Variants in FAT3 observed in about 807,000 individuals in gnomAD.
FAT3 encodes the protein FAT atypical cadherin 3, also known as protocadherin Fat 3.
A neutral mutation model predicts 310.2 loss-of-function variants in FAT3; 95 were observed. The ratio of observed to expected loss-of-function variants is 0.31; its 90% CI spans 0.26 to 0.36. The LOEUF is 0.36. FAT3 is among the 10% of genes least tolerant of loss of function. The pLI is 1.00. For missense variants in FAT3, 5,408 were observed against 5,715.6 expected (o/e 0.95, Z 1.74); for synonymous variants, 2,314 against 2,192.9 (o/e 1.06, Z -1.54).
intron 3 of FAT3, among the ~76,000 whole-genome samples, chr11:92,560,358 A>G (rs1046633484): frequency 6.6e-6 from 1 of 152,150 alleles, no homozygotes; most frequent in Non-Finnish European, 1.5e-5. Context: ...TGTCAGATAT[A>G]TGATTTACAA....
intron 3 of FAT3, among the ~76,000 whole-genome samples, chr11:92,587,078 G>A (rs139781230): frequency 1.5e-3 from 231 of 151,960 alleles, no homozygotes; most frequent in African/African-American, 3.3e-3. Flanking sequence ...TTTTCTTCTC[G>A]TCACTGACTT....
chr11:92,702,411 T>G (rs1944126074), intron 4 of FAT3, among the ~76,000 whole-genome samples: 1 of 152,224 alleles, frequency 6.6e-6, no homozygotes, highest in Non-Finnish European at 1.5e-5. Flanking sequence ...CATGCTCGGC[T>G]TCTTTTCGTC....
At chr11:92,672,500 T>A (rs1943159696) in intron 3 of FAT3, among the ~76,000 whole-genome samples, 1 of 152,202 alleles carries the variant, frequency 6.6e-6, no homozygotes, top group Admixed American at 6.5e-5. Context: ...CTGGAAACCA[T>A]ATTGTTGTTT....
At chr11:92,746,276 A>G (rs1227077210) in intron 4 of FAT3, among the ~76,000 whole-genome samples, 1 of 152,204 alleles carries the variant, frequency 6.6e-6, no homozygotes, top group Non-Finnish European at 1.5e-5. Flanking sequence ...TCTCACAATC[A>G]TGGTGGAAGG....
chr11:92,786,291 G>T (rs1206727344), intron 7 of FAT3, among the ~76,000 whole-genome samples: 3 of 151,786 alleles, frequency 2.0e-5, no homozygotes, highest in Non-Finnish European at 2.9e-5. Context: ...TAAGGAAAAA[G>T]ATTGATGTAT....
At position 92,493,583 on chromosome 11, in the gene FAT3, C is replaced by T. The variant is rs147583216; in HGVS notation, c.3293-31051C>T. ...CTTGAATGTTCCTTCTAGGCCTCAA[C>T]TGGGAGGACTCTGCTTCTTCCCATG... On this transcript the variant is annotated intron_variant, in intron 2 of 27. Transcript: ENST00000525166. Among the ~76,000 whole-genome samples the T allele has an allele frequency of 1.1e-3, 166 of 152,174 alleles. 1 individual carries two copies. The highest frequency in any genetic ancestry group is 3.8e-3 in the African/African-American group (157 of 41,544).
chr11:92,481,738 C>A (rs1263544823), intron 2 of FAT3, among the ~76,000 whole-genome samples: 1 of 152,142 alleles, frequency 6.6e-6, no homozygotes, highest in Non-Finnish European at 1.5e-5. Context: ...CTTTAAGTTG[C>A]TGTCTAGAAA....
chr11:92,668,354 A>T (rs1943021757), intron 3 of FAT3, among the ~76,000 whole-genome samples: 1 of 152,276 alleles, frequency 6.6e-6, no homozygotes, highest in Non-Finnish European at 1.5e-5. Flanking sequence ...ACAAAGAAGA[A>T]TAAGACATGG....
intron 4 of FAT3, among the ~76,000 whole-genome samples, chr11:92,756,569 A>T (rs368434947): frequency 4.6e-5 from 7 of 152,346 alleles, no homozygotes; most frequent in African/African-American, 1.7e-4. Context: ...CGGCTTAAAA[A>T]TATTGAATAT....
At chr11:92,575,775 T>G (rs1002601130) in intron 3 of FAT3, among the ~76,000 whole-genome samples, 1 of 152,104 alleles carries the variant, frequency 6.6e-6, no homozygotes, top group Admixed American at 6.6e-5. Context: ...TTTGTTTGTT[T>G]TTTTACAAAT....
At chr11:92,606,456 C>T (rs960188184) in intron 3 of FAT3, among the ~76,000 whole-genome samples, 1 of 152,176 alleles carries the variant, frequency 6.6e-6, no homozygotes, top group African/African-American at 2.4e-5. Context: ...GCCTGCAGCT[C>T]AGGCATGCTG....
At chr11:92,720,263 C>T (rs930551381) in intron 4 of FAT3, among the ~76,000 whole-genome samples, 3 of 152,276 alleles carry the variant, frequency 2.0e-5, no homozygotes, top group African/African-American at 7.2e-5. Context: ...TTGATCTTCA[C>T]GAGCACTTTA....
At chr11:92,451,075 A>C (rs1298677577) in intron 2 of FAT3, among the ~76,000 whole-genome samples, 2 of 152,236 alleles carry the variant, frequency 1.3e-5, no homozygotes, top group Middle Eastern at 3.4e-3. Flanking sequence ...TGAACCTCCA[A>C]TAGATGAGCA....
chr11:92,682,872 G>A (rs1943521558), intron 3 of FAT3, among the ~76,000 whole-genome samples: 1 of 152,084 alleles, frequency 6.6e-6, no homozygotes, highest in African/African-American at 2.4e-5. Context: ...GAGGTCAGGA[G>A]TTTGAGACCA....
chr11:92,771,615 C>T (rs1565581690), intron 6 of FAT3, among the ~76,000 whole-genome samples: 1 of 152,140 alleles, frequency 6.6e-6, no homozygotes, highest in Non-Finnish European at 1.5e-5. Flanking sequence ...AGTTTGTAGG[C>T]TCTCCTTCAA....
intron 4 of FAT3, among the ~76,000 whole-genome samples, chr11:92,727,542 G>T (rs767123603): frequency 3.3e-5 from 5 of 152,082 alleles, no homozygotes; most frequent in Non-Finnish European, 7.4e-5. Context: ...TTATATAATA[G>T]AAAATGCAGT....
chr11:92,304,077 C>A (rs565358667), intron 1 of FAT3, among the ~76,000 whole-genome samples: 4 of 152,070 alleles, frequency 2.6e-5, no homozygotes, highest in African/African-American at 9.7e-5. Flanking sequence ...ACTGTGTAAC[C>A]TTTCCATTAC....
chr11:92,453,243 G>A (rs1951406383), intron 2 of FAT3, among the ~76,000 whole-genome samples: 1 of 152,204 alleles, frequency 6.6e-6, no homozygotes, highest in African/African-American at 2.4e-5. Context: ...TAGCAAGACA[G>A]ATTATTACTC....
At chr11:92,404,426 C>T (rs958322571) in intron 2 of FAT3, among the ~76,000 whole-genome samples, 9 of 151,676 alleles carry the variant, frequency 5.9e-5, no homozygotes, top group African/African-American at 9.7e-5. Context: ...AGTAAACTAC[C>T]CTGGATAACC....
Sources: allele counts gnomAD v4.1 joint callset (sites outside exome capture counted in the v4.1 genomes callset), GRCh38; gene constraint gnomAD v4.1.1; transcripts MANE v1.5; gene names NCBI Gene and HGNC (gene_info 2026-07-23, HGNC 2026-07-21).